Variants in MAGI2 observed in about 807,000 individuals in gnomAD.
MAGI2 encodes membrane-associated guanylate kinase, WW and PDZ domain-containing protein 2.
Under a neutral mutation model 133.3 loss-of-function variants are expected in MAGI2, and 35 were observed. The ratio of observed to expected loss-of-function variants is 0.26; its 90% CI spans 0.20 to 0.35. The LOEUF (loss-of-function observed/expected upper bound fraction) is 0.35. Ranked by LOEUF, MAGI2 falls within the 10% of genes least tolerant of loss-of-function variation. The pLI is 1.00. For synonymous variants in MAGI2, 729 were observed against 710.6 expected (o/e 1.03, Z -0.41); for missense variants, 1,636 against 1,863.4 (o/e 0.88, Z 2.25).
rs1354629458 is a variant in MAGI2, at chr7:78,343,914, G to C, written c.1272C>G (p.Phe424Leu). The C allele has an allele frequency of 2.5e-6, 4 of 1,612,390 alleles. No individual in the cohort carries two copies. Among genetic ancestry groups the C allele is most frequent in the South Asian group, 1.1e-5 (1 of 90,706 alleles). ...TGCTCTTTTTTAGGGTGGTGCTGAG[G>C]AATGTTCCCTTCAACTGGGATGCAT... ...TRDASQLKGT[F>L]LSTTLKKSNM... The change falls in exon 9 of 22, where the codon TTC becomes TTG. Residue 424 changes from phenylalanine to leucine, a missense_variant. Phe to Leu is a conservative substitution (Grantham distance 22). Around this residue, in one of 5 missense-constraint regions of MAGI2, gnomAD observed 920 missense variants for 1,093.5 expected, o/e 0.84. Transcript: ENST00000354212.
intron 20 of MAGI2, among the ~76,000 whole-genome samples, chr7:78,101,601 A>G (rs1199559177): frequency 6.6e-6 from 1 of 152,218 alleles, no homozygotes; most frequent in African/African-American, 2.4e-5. Flanking sequence ...TAAAACTCCT[A>G]GAAGAAAATA....
chr7:78,294,035 A>G (rs1796982278), intron 9 of MAGI2, among the ~76,000 whole-genome samples: 1 of 152,170 alleles, frequency 6.6e-6, no homozygotes, highest in Admixed American at 6.6e-5. Flanking sequence ...AATGTAATAC[A>G]CCTGCACATT....
intron 1 of MAGI2, among the ~76,000 whole-genome samples, chr7:79,422,598 T>G (rs1847045609): frequency 6.6e-6 from 1 of 152,072 alleles, no homozygotes; most frequent in African/African-American, 2.4e-5. Context: ...GATTTATGGC[T>G]TCATGCAATT....
intron 4 of MAGI2, among the ~76,000 whole-genome samples, chr7:78,509,909 T>G (rs1343806145): frequency 1.3e-5 from 2 of 152,226 alleles, no homozygotes; most frequent in African/African-American, 2.4e-5. Flanking sequence ...ATAGAAAAAT[T>G]TATTCCTTTA....
At chr7:78,882,331 G>A (rs972770627) in intron 2 of MAGI2, among the ~76,000 whole-genome samples, 1 of 151,744 alleles carries the variant, frequency 6.6e-6, no homozygotes, top group Admixed American at 6.6e-5. Context: ...AATTGAAGCC[G>A]TGAACAGACC....
At chr7:78,922,168 T>TA (rs999170921) in intron 2 of MAGI2, among the ~76,000 whole-genome samples, 11 of 151,628 alleles carry the variant, frequency 7.3e-5, no homozygotes, top group African/African-American at 2.2e-4. Context: ...TTTTTATTTT[T>TA]TTTTTTGGCA....
intron 2 of MAGI2, among the ~76,000 whole-genome samples, chr7:78,813,826 A>G (rs2151414611): frequency 6.6e-6 from 1 of 151,380 alleles, no homozygotes; most frequent in South Asian, 2.1e-4. Flanking sequence ...ACAAAAAACT[A>G]TCAGCAGGAA....
At chr7:78,769,512 G>GC (rs5885096) in intron 2 of MAGI2, among the ~76,000 whole-genome samples, 134,790 of 152,078 alleles carry the variant, frequency 0.89, 59,798 homozygotes, top group East Asian at 1. Context: ...CCCCATTCAA[G>GC]CGAGATTTAA....
intron 2 of MAGI2, among the ~76,000 whole-genome samples, chr7:78,960,101 C>A (rs1487159094): frequency 6.6e-6 from 1 of 151,934 alleles, no homozygotes; most frequent in African/African-American, 2.4e-5. Context: ...AACTAGAATC[C>A]TAATGCACCA....
intron 3 of MAGI2, among the ~76,000 whole-genome samples, chr7:78,527,205 CAA>C (rs1797052834): frequency 6.6e-6 from 1 of 152,118 alleles, no homozygotes; most frequent in African/African-American, 2.4e-5. Flanking sequence ...ACCTGCCAGG[CAA>C]AGTCCTTGCA....
chr7:78,782,433 T>A (rs1826472828), intron 2 of MAGI2, among the ~76,000 whole-genome samples: 1 of 152,078 alleles, frequency 6.6e-6, no homozygotes. Flanking sequence ...AGAAATGAGT[T>A]GGATGTTAAA....
intron 2 of MAGI2, among the ~76,000 whole-genome samples, chr7:78,864,753 C>T: frequency 6.6e-6 from 1 of 152,156 alleles, no homozygotes; most frequent in Non-Finnish European, 1.5e-5. Flanking sequence ...ATTTCCTTAA[C>T]TTTTATTGCC....
chr7:78,443,248 TAAA>T (rs1250073061), intron 6 of MAGI2, among the ~76,000 whole-genome samples: 1 of 148,730 alleles, frequency 6.7e-6, no homozygotes, highest in Non-Finnish European at 1.5e-5. Flanking sequence ...TATTATGACA[TAAA>T]GAAATAGCAC....
chr7:78,103,501 G>T (rs1350434906), intron 20 of MAGI2, among the ~76,000 whole-genome samples: 1 of 152,096 alleles, frequency 6.6e-6, no homozygotes, highest in African/African-American at 2.4e-5. Context: ...GTAGTGTTAG[G>T]CACTTATATT....
intron 1 of MAGI2, among the ~76,000 whole-genome samples, chr7:79,196,051 T>C (rs2129551519): frequency 6.6e-6 from 1 of 152,050 alleles, no homozygotes; most frequent in Middle Eastern, 3.4e-3. Flanking sequence ...GTTAATTTAT[T>C]ATACTCTTGA....
intron 1 of MAGI2, among the ~76,000 whole-genome samples, chr7:79,135,233 A>AT (rs1426272859): frequency 3.9e-5 from 6 of 151,950 alleles, no homozygotes; most frequent in Non-Finnish European, 8.8e-5. Flanking sequence ...GTAGGAAAAA[A>AT]AACAGTATCA....
At chr7:79,222,851 T>C (rs1585242961) in intron 1 of MAGI2, among the ~76,000 whole-genome samples, 1 of 152,018 alleles carries the variant, frequency 6.6e-6, no homozygotes, top group African/African-American at 2.4e-5. Flanking sequence ...TTCATATACA[T>C]TATCTCATTT....
At chr7:78,247,770 A>G (rs1468918973) in intron 10 of MAGI2, among the ~76,000 whole-genome samples, 1 of 152,214 alleles carries the variant, frequency 6.6e-6, no homozygotes, top group Non-Finnish European at 1.5e-5. Context: ...GAAAACAAAA[A>G]CAAAAACCCA....
chr7:78,339,172 T>C (rs1790093807), intron 9 of MAGI2, among the ~76,000 whole-genome samples: 1 of 152,234 alleles, frequency 6.6e-6, no homozygotes, highest in Non-Finnish European at 1.5e-5. Flanking sequence ...CCCATCTTTA[T>C]AGCCCTGGTG....
Sources: gnomAD v4.1 joint callset for allele counts (sites outside exome capture counted in the v4.1 genomes callset) on GRCh38, gnomAD v4.1.1 for gene constraint, gnomAD v4.1.1 regional missense constraint, MANE v1.5 for transcripts, NCBI Gene and HGNC (gene_info 2026-07-23, HGNC 2026-07-21) for gene names.